The following GPC5 variants were observed in gnomAD, a reference collection of about 807,000 sequenced individuals.
GPC5 encodes glypican 5.
A neutral mutation model predicts 53.9 loss-of-function variants in GPC5; 47 were observed. The ratio of observed to expected loss-of-function variants is 0.87; its 90% confidence interval spans 0.69 to 1.11. GPC5 has a LOEUF of 1.11. GPC5 is among the 50% of genes most tolerant of loss of function. The pLI, the probability that GPC5 is intolerant of heterozygous loss-of-function variation, is 0.00. For synonymous variants in GPC5, 286 were observed against 263.3 expected (o/e 1.09, Z -0.84); for missense variants, 748 against 713.1 (o/e 1.05, Z -0.56).
At chr13:91,883,709 C>A (rs1053226352) in intron 5 of GPC5, among the ~76,000 whole-genome samples, 2 of 152,104 alleles carry the variant, frequency 1.3e-5, no homozygotes, top group Non-Finnish European at 2.9e-5. Context: ...GGAACGAGGG[C>A]CTTGTATGCC....
At chr13:92,446,285 T>G (rs1877822886) in intron 7 of GPC5, among the ~76,000 whole-genome samples, 1 of 151,714 alleles carries the variant, frequency 6.6e-6, no homozygotes, top group South Asian at 2.1e-4. Flanking sequence ...ATCTTTCTAC[T>G]CTCTATCCCT....
intron 6 of GPC5, among the ~76,000 whole-genome samples, chr13:91,981,588 C>T (rs1001653615): frequency 2.0e-5 from 3 of 152,014 alleles, no homozygotes; most frequent in Admixed American, 6.6e-5. Flanking sequence ...CGCGCCCGAC[C>T]GTAAGAGTTC....
chr13:91,816,491 C>T (rs759833315), intron 5 of GPC5, among the ~76,000 whole-genome samples: 4 of 152,092 alleles, frequency 2.6e-5, no homozygotes, highest in East Asian at 3.9e-4. Flanking sequence ...TAAGAAAGGA[C>T]GAATTCACCC....
intron 7 of GPC5, among the ~76,000 whole-genome samples, chr13:92,381,599 T>G (rs1217182360): frequency 6.6e-6 from 1 of 151,320 alleles, no homozygotes; most frequent in Non-Finnish European, 1.5e-5. Flanking sequence ...TGGAGATTCC[T>G]TAAAGAACTA....
intron 7 of GPC5, among the ~76,000 whole-genome samples, chr13:92,823,409 T>C (rs951072248): frequency 6.6e-6 from 1 of 152,152 alleles, no homozygotes; most frequent in African/African-American, 2.4e-5. Context: ...TGATTTGCTA[T>C]AATATAATTT....
At chr13:91,571,655 G>C (rs1016053411) in intron 2 of GPC5, among the ~76,000 whole-genome samples, 1 of 151,450 alleles carries the variant, frequency 6.6e-6, no homozygotes, top group African/African-American at 2.4e-5. Context: ...AGCCCAGGAG[G>C]TGGAAATTGC....
intron 2 of GPC5, among the ~76,000 whole-genome samples, chr13:91,541,890 T>C (rs1221586723): frequency 1.3e-5 from 2 of 151,798 alleles, no homozygotes; most frequent in Non-Finnish European, 2.9e-5. Context: ...TTACTGTTTT[T>C]TTCGTAAATG....
intron 1 of GPC5, among the ~76,000 whole-genome samples, chr13:91,420,513 C>A (rs2138981145): frequency 6.6e-6 from 1 of 152,310 alleles, no homozygotes; most frequent in Non-Finnish European, 1.5e-5. Context: ...AGCAGCTTAA[C>A]TACCATTACT....
chr13:91,970,824 T>A (rs1297424006), intron 6 of GPC5, among the ~76,000 whole-genome samples: 1 of 152,214 alleles, frequency 6.6e-6, no homozygotes, highest in Non-Finnish European at 1.5e-5. Flanking sequence ...GCCCACTTGA[T>A]CATGGTGGAT....
intron 7 of GPC5, among the ~76,000 whole-genome samples, chr13:92,338,840 C>G (rs984200911): frequency 2.0e-5 from 3 of 151,886 alleles, no homozygotes; most frequent in Non-Finnish European, 4.4e-5. Context: ...TTTGTGCAGA[C>G]CTAAAGAATG....
chr13:92,436,615 T>TAAATTGGAG (rs1877315641), intron 7 of GPC5, among the ~76,000 whole-genome samples: 1 of 151,994 alleles, frequency 6.6e-6, no homozygotes, highest in Non-Finnish European at 1.5e-5. Flanking sequence ...TAGTTTGCTC[T>TAAATTGGAG]CCTGTAAGCC....
chr13:92,282,270 A>G (rs1157417176), intron 7 of GPC5, among the ~76,000 whole-genome samples: 1 of 152,220 alleles, frequency 6.6e-6, no homozygotes, highest in African/African-American at 2.4e-5. Flanking sequence ...TCTACATCTG[A>G]TTGGTGTCCC....
intron 7 of GPC5, among the ~76,000 whole-genome samples, chr13:92,335,537 A>C (rs1039945863): frequency 6.6e-6 from 1 of 152,152 alleles, no homozygotes; most frequent in Non-Finnish European, 1.5e-5. Context: ...AAATTTCTGC[A>C]GCTCGCTTGA....
chr13:92,325,478 G>A (rs1279079440), intron 7 of GPC5, among the ~76,000 whole-genome samples: 1 of 152,008 alleles, frequency 6.6e-6, no homozygotes, highest in Non-Finnish European at 1.5e-5. Flanking sequence ...TACAGTACCA[G>A]AGACCAATTA....
intron 2 of GPC5, among the ~76,000 whole-genome samples, chr13:91,584,116 T>C (rs531527479): frequency 6.6e-6 from 1 of 152,282 alleles, no homozygotes; most frequent in African/African-American, 2.4e-5. Context: ...AGGGAGAAGA[T>C]GGCCATCTGC....
chr13:92,191,083 G>C (rs2042219632), intron 7 of GPC5, among the ~76,000 whole-genome samples: 1 of 152,108 alleles, frequency 6.6e-6, no homozygotes, highest in Non-Finnish European at 1.5e-5. Context: ...ATTTCAGACA[G>C]AGTGAGCTTC....
intron 7 of GPC5, among the ~76,000 whole-genome samples, chr13:92,359,534 G>A (rs920942180): frequency 4.0e-5 from 6 of 151,570 alleles, no homozygotes; most frequent in Admixed American, 2.6e-4. Context: ...CCAATGTTCT[G>A]TATTACTTCA....
At chr13:92,249,642 G>A (rs9560996) in intron 7 of GPC5, among the ~76,000 whole-genome samples, 1 of 152,002 alleles carries the variant, frequency 6.6e-6, no homozygotes, top group East Asian at 1.9e-4. Context: ...AATTTTTAGT[G>A]GGGGGGTTGA....
chr13:92,534,896 G>A (rs978121443), intron 7 of GPC5, among the ~76,000 whole-genome samples: 2 of 152,084 alleles, frequency 1.3e-5, no homozygotes, highest in African/African-American at 2.4e-5. Context: ...CACATCCAAA[G>A]GTTTAAGGAA....
Sources: gnomAD v4.1 joint callset for allele counts (sites outside exome capture counted in the v4.1 genomes callset) on GRCh38, gnomAD v4.1.1 for gene constraint, MANE v1.5 for transcripts, NCBI Gene and HGNC (gene_info 2026-07-23, HGNC 2026-07-21) for gene names.